UBE2H: variants seen among roughly 807,000 people sequenced by gnomAD.
UBE2H encodes the protein ubiquitin-conjugating enzyme E2 H.
Under a neutral mutation model 29.0 loss-of-function variants are expected in UBE2H, and 3 were observed. That is an observed-to-expected ratio of 0.10 (90% CI 0.05 to 0.27). The LOEUF is 0.27. Among genes scored for constraint, UBE2H ranks in the 10% least tolerant of loss-of-function variants. UBE2H has a pLI of 1.00. For missense variants in UBE2H, 68 were observed against 228.2 expected, an observed-to-expected ratio of 0.30 and a Z score of 4.52; for synonymous variants, 69 against 82.9, an observed-to-expected ratio of 0.83 and a Z score of 0.91.
intron 5 of UBE2H, chr7:129,857,101 A>G (rs1477672914): frequency 6.3e-6 from 1 of 157,578 alleles, no homozygotes; most frequent in African/African-American, 2.4e-5. Flanking sequence ...TGAAAAGATG[A>G]TCCCCTAAAA....
At chr7:129,891,341 G>A (rs1294668958) in intron 1 of UBE2H, among the ~76,000 whole-genome samples, 3 of 151,762 alleles carry the variant, frequency 2.0e-5, no homozygotes, top group South Asian at 2.1e-4. Context: ...ATGCGCCACC[G>A]CACCTGGCTA....
At position 129,895,250 on chromosome 7, in the gene UBE2H, A is replaced by G. The variant is rs192789457; in HGVS notation, c.54-14279T>C. 1.7e-3 allele frequency among the ~76,000 whole-genome samples: 262 copies of G among 152,280 alleles called. 2 individuals carry two copies. The highest frequency in any genetic ancestry group is 4.3e-3 in the African/African-American group (179 of 41,572). ...TCACACAGTCTCTAGCACCTGTCAC[A>G]TGGGGGCTATGGCATGAAGGGAAGC... On this transcript the variant is annotated intron_variant, in intron 1 of 6. Transcript: ENST00000355621.
intron 1 of UBE2H, among the ~76,000 whole-genome samples, chr7:129,949,846 T>C (rs1007644450): frequency 6.6e-6 from 1 of 152,164 alleles, no homozygotes; most frequent in African/African-American, 2.4e-5. Flanking sequence ...AAAAATGGGC[T>C]GAAACAGGAG....
intron 3 of UBE2H, among the ~76,000 whole-genome samples, chr7:129,874,994 C>T (rs1806118998): frequency 2.0e-5 from 3 of 152,138 alleles, no homozygotes; most frequent in Admixed American, 2.0e-4. Flanking sequence ...GTGGGTTAGG[C>T]AGGTCCTGAG....
rs534625479 is a variant in UBE2H at position 129,873,167 on chromosome 7, C to T, written c.205+6401G>A. 3.3e-5 allele frequency among the ~76,000 whole-genome samples: 5 copies of T among 151,782 alleles called. No individual in the cohort carries two copies. The South Asian group carries it at 1.0e-3, about 32-fold the overall frequency. ...CCAAGTAGCTGGGAATACAGGCGCC[C>T]GCCACCATGCCCAGCTAATTTTTTG... On this transcript the variant is annotated intron_variant, in intron 3 of 6. Transcript: ENST00000355621.
intron 6 of UBE2H, 100 bp from the exon 7 acceptor site, chr7:129,835,161 C>G: frequency 1.3e-6 from 2 of 1,518,470 alleles, no homozygotes; most frequent in Non-Finnish European, 1.8e-6. Flanking sequence ...TCAAACTTAC[C>G]TTGAACACCA....
chr7:129,918,362 CTTTTT>C (rs777719323), intron 1 of UBE2H, among the ~76,000 whole-genome samples: 8 of 139,712 alleles, frequency 5.7e-5, no homozygotes, highest in Non-Finnish European at 7.8e-5. Context: ...AATCCAAATT[CTTTTT>C]TTTTTTTTTT....
At chr7:129,895,281 C>T (rs1054441942) in intron 1 of UBE2H, among the ~76,000 whole-genome samples, 2 of 152,036 alleles carry the variant, frequency 1.3e-5, no homozygotes, top group South Asian at 2.1e-4. Context: ...GAAGCACAGG[C>T]GGAAGACCTA....
intron 4 of UBE2H, among the ~76,000 whole-genome samples, chr7:129,857,851 G>A (rs1198436165): frequency 6.6e-6 from 1 of 152,166 alleles, no homozygotes; most frequent in Non-Finnish European, 1.5e-5. Context: ...CTCTGAATGT[G>A]ATACCCCAAG....
intron 1 of UBE2H, among the ~76,000 whole-genome samples, chr7:129,890,352 T>C (rs1001179180): frequency 6.6e-6 from 1 of 151,932 alleles, no homozygotes; most frequent in South Asian, 2.1e-4. Context: ...TATGTATGTA[T>C]ATATACACAT....
intron 1 of UBE2H, among the ~76,000 whole-genome samples, chr7:129,928,432 G>A (rs1468368089): frequency 3.3e-5 from 5 of 152,050 alleles, no homozygotes; most frequent in Non-Finnish European, 7.4e-5. Context: ...GTGAAACCTC[G>A]TCTCTACTAA....
chr7:129,859,559 ACT>A lies in UBE2H; in HGVS notation c.206-620_206-619del, dbSNP rs1805763323. Reference sequence around the variant, plus strand: ...AACCAAGCAAGGAGTTAAAAAAAATACTCTAAGTTGGCTATATCTGTTGGAGG... The same window carrying A: ...AACCAAGCAAGGAGTTAAAAAAAATACTAAGTTGGCTATATCTGTTGGAGG... On this transcript the variant is annotated intron_variant, in intron 3 of 6. Transcript: ENST00000355621. Among the ~76,000 whole-genome samples, 3 of 152,178 alleles carry A rather than the reference ACT, an allele frequency of 2.0e-5. No individual in the cohort carries two copies. In the East Asian group the frequency reaches 5.8e-4, roughly 29 times the overall value.
intron 2 of UBE2H, among the ~76,000 whole-genome samples, chr7:129,880,130 C>T (rs1806224742): frequency 1.3e-5 from 2 of 152,118 alleles, no homozygotes; most frequent in Non-Finnish European, 2.9e-5. Flanking sequence ...CCCCTGGATT[C>T]AACCAACCAC....
intron 1 of UBE2H, among the ~76,000 whole-genome samples, chr7:129,905,143 T>C (rs192379066): frequency 2.6e-5 from 4 of 152,028 alleles, no homozygotes; most frequent in South Asian, 2.1e-4. Flanking sequence ...TATTCAGACA[T>C]GCAAAGGATT....
chr7:129,862,728 G>C (rs1205247840), intron 3 of UBE2H, among the ~76,000 whole-genome samples: 1 of 152,186 alleles, frequency 6.6e-6, no homozygotes, highest in African/African-American at 2.4e-5. Flanking sequence ...TTTGAAAAAG[G>C]GGCAGAAAAT....
At chr7:129,867,717 A>AT (rs1805936751) in intron 3 of UBE2H, among the ~76,000 whole-genome samples, 1 of 72,972 alleles carries the variant, frequency 1.4e-5, no homozygotes, top group Non-Finnish European at 2.8e-5. Flanking sequence ...AAAAAAAAAA[A>AT]GAAAACCAAA....
chr7:129,947,866 T>C (rs1359544013), intron 1 of UBE2H, among the ~76,000 whole-genome samples: 2 of 152,144 alleles, frequency 1.3e-5, no homozygotes, highest in African/African-American at 4.8e-5. Flanking sequence ...GATTTTTTTT[T>C]TTTGAGATAA....
chr7:129,840,179 ATTTATTTAAAAAAGT>A (rs1413989958), intron 5 of UBE2H, among the ~76,000 whole-genome samples: 1 of 152,028 alleles, frequency 6.6e-6, no homozygotes, highest in African/African-American at 2.4e-5. Flanking sequence ...TACTGCATTT[ATTTATTTAAAAAAGT>A]TTTTTTTTTG....
intron 6 of UBE2H, among the ~76,000 whole-genome samples, chr7:129,837,093 G>A (rs938293530): frequency 2.6e-5 from 4 of 152,198 alleles, no homozygotes; most frequent in East Asian, 1.9e-4. Context: ...ATAATACAGC[G>A]CCAACTAAAT....
Sources: gnomAD v4.1 joint callset for allele counts (sites outside exome capture counted in the v4.1 genomes callset) on GRCh38, gnomAD v4.1.1 for gene constraint, MANE v1.5 for transcripts, NCBI Gene and HGNC (gene_info 2026-07-23, HGNC 2026-07-21) for gene names.